The following SORCS2 variants were observed in gnomAD, a reference collection of about 807,000 sequenced individuals.
SORCS2 encodes the protein sortilin related VPS10 domain containing receptor 2.
SORCS2 carries 100 observed loss-of-function variants against 141.6 expected under a neutral mutation model. That is an observed-to-expected ratio of 0.71 (90% CI 0.60 to 0.83). SORCS2 has a LOEUF of 0.83. Ranked by LOEUF, SORCS2 falls within the 40% of genes least tolerant of loss-of-function variation. The pLI, the probability that SORCS2 is intolerant of heterozygous loss-of-function variation, is 0.00. For synonymous variants in SORCS2, 789 were observed against 676.9 expected (o/e 1.17, Z -2.57); for missense variants, 1,646 against 1,560.2 (o/e 1.05, Z -0.93).
chr4:7,504,514 T>C (rs1732162582), intron 2 of SORCS2, among the ~76,000 whole-genome samples: 1 of 138,146 alleles, frequency 7.2e-6, no homozygotes, highest in Admixed American at 7.8e-5. Flanking sequence ...GAAACCAAAC[T>C]CAGAGAGGTG....
intron 3 of SORCS2, among the ~76,000 whole-genome samples, chr4:7,540,208 GCCC>G (rs1712512362): frequency 3.0e-5 from 2 of 67,006 alleles, no homozygotes; most frequent in Non-Finnish European, 6.3e-5. Context: ...GCCCCTCCCT[GCCC>G]CTGCCTCTGC....
intron 2 of SORCS2, among the ~76,000 whole-genome samples, chr4:7,472,004 A>G (rs1401937683): frequency 1.3e-5 from 2 of 152,224 alleles, no homozygotes; most frequent in East Asian, 3.9e-4. Flanking sequence ...CAGCGGCATC[A>G]TTCCCTAGTG....
chr4:7,381,337 G>A (rs1032239871), intron 1 of SORCS2, among the ~76,000 whole-genome samples: 2 of 152,188 alleles, frequency 1.3e-5, no homozygotes, highest in Non-Finnish European at 2.9e-5. Flanking sequence ...GCACAGAGCT[G>A]GAGGGCGGAG....
chr4:7,454,509 G>A (rs1728729854), intron 2 of SORCS2, among the ~76,000 whole-genome samples: 2 of 131,804 alleles, frequency 1.5e-5, no homozygotes, highest in Non-Finnish European at 3.2e-5. Context: ...TGTGTGTTGG[G>A]GTCAGATGCT....
intron 1 of SORCS2, among the ~76,000 whole-genome samples, chr4:7,287,947 C>T (rs185482463): frequency 9.2e-5 from 14 of 152,384 alleles, no homozygotes; most frequent in Non-Finnish European, 2.1e-4. Context: ...AGCCCACCCT[C>T]TGAGCCTCTT....
At chr4:7,673,785 C>T (rs907024637) in intron 8 of SORCS2, among the ~76,000 whole-genome samples, 5 of 152,146 alleles carry the variant, frequency 3.3e-5, no homozygotes, top group Admixed American at 6.5e-5. Flanking sequence ...GCTGTAAATA[C>T]GGCATCCTGA....
chr4:7,357,206 G>C (rs1014334004), intron 1 of SORCS2, among the ~76,000 whole-genome samples: 1 of 152,312 alleles, frequency 6.6e-6, no homozygotes. Context: ...TCTGATGCCT[G>C]CCCCGGGGAC....
intron 1 of SORCS2, among the ~76,000 whole-genome samples, chr4:7,352,162 A>G (rs997958848): frequency 6.6e-6 from 1 of 152,122 alleles, no homozygotes; most frequent in African/African-American, 2.4e-5. Flanking sequence ...CAGAATTTTC[A>G]TCCCTCTAAA....
intron 2 of SORCS2, among the ~76,000 whole-genome samples, chr4:7,527,694 C>T (rs143266904): frequency 1.0e-4 from 15 of 143,904 alleles, no homozygotes; most frequent in African/African-American, 4.5e-4. Flanking sequence ...CAGGCCCCCC[C>T]ACCAGGTGAA....
At chr4:7,609,761 G>A (rs1324523876) in intron 3 of SORCS2, among the ~76,000 whole-genome samples, 3 of 152,110 alleles carry the variant, frequency 2.0e-5, no homozygotes, top group Admixed American at 1.3e-4. Context: ...CGGGACCTCC[G>A]GATGGGCCTT....
At chr4:7,666,754 C>A (rs372741259) in intron 7 of SORCS2, among the ~76,000 whole-genome samples, 1 of 152,158 alleles carries the variant, frequency 6.6e-6, no homozygotes, top group Admixed American at 6.5e-5. Flanking sequence ...ATGGTGCCGG[C>A]TTTGTTTGTC....
intron 3 of SORCS2, among the ~76,000 whole-genome samples, chr4:7,626,612 T>C (rs1480505010): frequency 6.6e-6 from 1 of 152,270 alleles, no homozygotes; most frequent in Non-Finnish European, 1.5e-5. Context: ...TGTGTGTACG[T>C]ATTTATGTAC....
At position 7,663,968 on chromosome 4, in the gene SORCS2, G is replaced by C. The variant is rs1722340487; in HGVS notation, c.953-385G>C. Among the ~76,000 whole-genome samples the C allele has an allele frequency of 1.3e-5, 2 of 152,126 alleles. No individual in the cohort carries two copies. Among genetic ancestry groups the C allele is most frequent in the Admixed American group, 1.3e-4 (2 of 15,268 alleles). ...GGTAGAAGCAGTTGCTTAAAATTTG[G>C]GGGAAAAGAACCCTTGAGCCCCACC... On this transcript the variant is annotated intron_variant, in intron 6 of 26. Coordinates refer to ENST00000507866, the MANE Select transcript of SORCS2 (RefSeq NM_020777.3). The surrounding 1 kb of genome is among the most constrained non-coding windows in gnomAD (Gnocchi z 4.8).
chr4:7,651,028 C>A (rs1343618752), intron 4 of SORCS2, among the ~76,000 whole-genome samples: 1 of 152,100 alleles, frequency 6.6e-6, no homozygotes, highest in South Asian at 2.1e-4. Flanking sequence ...AAACATAACG[C>A]AAATCAAAGA....
At chr4:7,605,102 T>G (rs944715154) in intron 3 of SORCS2, among the ~76,000 whole-genome samples, 1 of 152,242 alleles carries the variant, frequency 6.6e-6, no homozygotes, top group Non-Finnish European at 1.5e-5. Context: ...TTGATGTTCC[T>G]TCGTGTGAGG....
intron 3 of SORCS2, among the ~76,000 whole-genome samples, chr4:7,581,600 A>C (rs975910227): frequency 6.6e-6 from 1 of 152,150 alleles, no homozygotes; most frequent in Non-Finnish European, 1.5e-5. Flanking sequence ...AGGCCTGGTC[A>C]TTTGAGGCCC....
intron 3 of SORCS2, among the ~76,000 whole-genome samples, chr4:7,546,301 C>T (rs1166344748): frequency 6.6e-6 from 1 of 152,174 alleles, no homozygotes; most frequent in Non-Finnish European, 1.5e-5. Context: ...AGGCCTCCCT[C>T]CAGGTCCTGT....
At chr4:7,453,002 C>T (rs1367427001) in intron 2 of SORCS2, among the ~76,000 whole-genome samples, 4 of 97,998 alleles carry the variant, frequency 4.1e-5, no homozygotes, top group Admixed American at 1.3e-4. Context: ...GTGTTGGGGT[C>T]AGGCGCCGTG....
chr4:7,687,496 T>C (rs886377), intron 10 of SORCS2, among the ~76,000 whole-genome samples: 98,657 of 151,876 alleles, frequency 0.65, 32,477 homozygotes, highest in East Asian at 0.91. Flanking sequence ...CATTTGTCAC[T>C]ATTGGATCCA....
Sources: gnomAD v4.1 joint callset for allele counts (sites outside exome capture counted in the v4.1 genomes callset) on GRCh38, gnomAD v4.1.1 for gene constraint, Gnocchi (gnomAD v3.1) non-coding constraint, MANE v1.5 for transcripts, NCBI Gene and HGNC (gene_info 2026-07-23, HGNC 2026-07-21) for gene names.